CNTNAP2: variants seen among roughly 807,000 people sequenced by gnomAD.
CNTNAP2 encodes contactin associated protein 2.
A neutral mutation model predicts 155.2 loss-of-function variants in CNTNAP2; 98 were observed. The observed-to-expected ratio is 0.63, with a 90% CI of 0.54 to 0.75. The LOEUF is 0.75. Among genes scored for constraint, CNTNAP2 ranks in the 30% least tolerant of loss-of-function variants. CNTNAP2 has a pLI of 0.00. For missense variants in CNTNAP2, 1,727 were observed against 1,688.1 expected (o/e 1.02, Z -0.40); for synonymous variants, 651 against 631.2 (o/e 1.03, Z -0.47).
chr7:146,383,998 G>C (rs1317193799), intron 1 of CNTNAP2, among the ~76,000 whole-genome samples: 2 of 152,152 alleles, frequency 1.3e-5, no homozygotes, highest in African/African-American at 4.8e-5. Flanking sequence ...TAATGTAAAA[G>C]AGTGTCACTG....
intron 1 of CNTNAP2, among the ~76,000 whole-genome samples, chr7:146,193,544 C>A (rs1798736811): frequency 6.6e-6 from 1 of 152,186 alleles, no homozygotes; most frequent in Non-Finnish European, 1.5e-5. Flanking sequence ...TTAGCCATGG[C>A]TGGAGCAGCT....
At chr7:147,484,932 A>G (rs1458543346) in intron 10 of CNTNAP2, among the ~76,000 whole-genome samples, 1 of 152,248 alleles carries the variant, frequency 6.6e-6, no homozygotes, top group Non-Finnish European at 1.5e-5. Context: ...GGTACATCAC[A>G]ATGAATACCT....
chr7:146,826,177 A>C (rs1470979185), intron 2 of CNTNAP2, among the ~76,000 whole-genome samples: 6 of 152,140 alleles, frequency 3.9e-5, no homozygotes, highest in Admixed American at 3.9e-4. Context: ...ATATTTAGTT[A>C]CTAGTTAGAA....
At chr7:147,260,556 A>G (rs374909051) in intron 8 of CNTNAP2, among the ~76,000 whole-genome samples, 28 of 152,334 alleles carry the variant, frequency 1.8e-4, no homozygotes, top group African/African-American at 6.0e-4. Context: ...TTAAATGTGT[A>G]CTATCCACAC....
intron 21 of CNTNAP2, among the ~76,000 whole-genome samples, chr7:148,288,387 C>T (rs1441148429): frequency 6.6e-6 from 1 of 152,128 alleles, no homozygotes; most frequent in Non-Finnish European, 1.5e-5. Context: ...GCATGAGCCA[C>T]CGCGCCCCGC....
chr7:146,701,707 G>T (rs957738523), intron 1 of CNTNAP2, among the ~76,000 whole-genome samples: 1 of 151,992 alleles, frequency 6.6e-6, no homozygotes, highest in Non-Finnish European at 1.5e-5. Flanking sequence ...AGAATTAATA[G>T]TATGACATCT....
intron 13 of CNTNAP2, among the ~76,000 whole-genome samples, chr7:147,737,784 G>T (rs1358158526): frequency 6.6e-6 from 1 of 152,204 alleles, no homozygotes; most frequent in Non-Finnish European, 1.5e-5. Context: ...TGCTAGCAAT[G>T]AGCGAGGCTC....
At chr7:148,199,704 G>T (rs1795337166) in intron 18 of CNTNAP2, among the ~76,000 whole-genome samples, 2 of 152,192 alleles carry the variant, frequency 1.3e-5, no homozygotes, top group South Asian at 4.1e-4. Flanking sequence ...TAAAGACTTA[G>T]CATGAAACAA....
intron 11 of CNTNAP2, among the ~76,000 whole-genome samples, chr7:147,541,552 A>T (rs1799640360): frequency 6.6e-6 from 1 of 152,202 alleles, no homozygotes; most frequent in Admixed American, 6.5e-5. Context: ...TTCTATGAAC[A>T]ACTCGCTCCC....
rs201076091 is a variant in CNTNAP2, at chr7:147,736,356, C to G, written c.2098+97050C>G. Among the ~76,000 whole-genome samples, 11 of 152,352 alleles carry G rather than the reference C, an allele frequency of 7.2e-5. No individual in the cohort carries two copies. In the East Asian group the frequency reaches 1.9e-3, roughly 27 times the overall value. The stretch of plus-strand genomic sequence containing the variant: ...AGAATGTTGAATATTGGCCCCCACT[C>G]TCTTCTGGCTTGTAGAGTTTCTGCC... On this transcript the variant is annotated intron_variant, in intron 13 of 23. Coordinates refer to ENST00000361727, the MANE Select transcript of CNTNAP2 (RefSeq NM_014141.6).
At position 147,703,178 on chromosome 7, in the gene CNTNAP2, C is replaced by A. The variant is rs190140910; in HGVS notation, c.2098+63872C>A. Among the ~76,000 whole-genome samples, 366 of 152,238 alleles carry A rather than the reference C, an allele frequency of 2.4e-3. 1 individual carries two copies. Among genetic ancestry groups the A allele is most frequent in the African/African-American group, 8.3e-3 (347 of 41,564 alleles). On this transcript the variant is annotated intron_variant, in intron 13 of 23. Coordinates refer to ENST00000361727, the MANE Select transcript of CNTNAP2 (RefSeq NM_014141.6). The stretch of plus-strand genomic sequence containing the variant: ...CACATTACCAACCTCCCCTTCCCAT[C>A]GAGAGAAGACGATTTGCTTCTTAAT...
At position 148,353,685 on chromosome 7, in the gene CNTNAP2, G is replaced by A. The variant is rs544859970; in HGVS notation, c.3476-29964G>A. Among the ~76,000 whole-genome samples, 8 of 152,054 alleles carry A rather than the reference G, an allele frequency of 5.3e-5. No homozygotes were observed. In the South Asian group the frequency reaches 1.7e-3, roughly 32 times the overall value. On this transcript the variant is annotated intron_variant, in intron 21 of 23. Transcript: ENST00000361727. ...CACACACACGCACACACAAGTATCA[G>A]GAAACAAAAAGGAAATGTGTGCAAA... is the stretch of plus-strand genomic sequence containing the variant.
rs77221306 is a variant in CNTNAP2 at position 147,352,704 on chromosome 7, T to A, written c.1499-42905T>A. On this transcript the variant is annotated intron_variant, in intron 9 of 23. Coordinates refer to ENST00000361727, the MANE Select transcript of CNTNAP2 (RefSeq NM_014141.6). ...CATGGTAGAATTCTCATTGTTAATT[T>A]ATTTTGGCTGCTCTATTGCCTGTTA... Among the ~76,000 whole-genome samples the A allele has an allele frequency of 8.6e-3, 1,315 of 152,136 alleles. 16 individuals are homozygous for A. Among genetic ancestry groups the A allele is most frequent in the African/African-American group, 0.03 (1,251 of 41,522 alleles).
At chr7:148,250,703 C>T (rs776669165) in intron 20 of CNTNAP2, among the ~76,000 whole-genome samples, 29 of 152,334 alleles carry the variant, frequency 1.9e-4, no homozygotes, top group South Asian at 4.1e-4. Flanking sequence ...GGGGGAGGCA[C>T]GAGAGATCGG....
At chr7:147,579,465 C>A (rs1800456904) in intron 12 of CNTNAP2, among the ~76,000 whole-genome samples, 1 of 151,802 alleles carries the variant, frequency 6.6e-6, no homozygotes, top group South Asian at 2.1e-4. Context: ...TTATAATATG[C>A]CAGTGATACA....
At chr7:147,532,191 A>T (rs1488039628) in intron 11 of CNTNAP2, among the ~76,000 whole-genome samples, 1 of 152,084 alleles carries the variant, frequency 6.6e-6, no homozygotes, top group Non-Finnish European at 1.5e-5. Flanking sequence ...GAATGCCTTT[A>T]ACAGTACCTA....
chr7:146,674,008 G>T (rs553295464), intron 1 of CNTNAP2, among the ~76,000 whole-genome samples: 1 of 152,046 alleles, frequency 6.6e-6, no homozygotes, highest in Non-Finnish European at 1.5e-5. Context: ...CTTTTAGTTC[G>T]TCCCTGGCAG....
At chr7:146,195,716 C>T (rs1798765513) in intron 1 of CNTNAP2, among the ~76,000 whole-genome samples, 1 of 152,190 alleles carries the variant, frequency 6.6e-6, no homozygotes, top group Admixed American at 6.5e-5. Flanking sequence ...GCCAGCCCAG[C>T]AGATACTGAG....
chr7:146,182,896 T>C (rs753471211), intron 1 of CNTNAP2, among the ~76,000 whole-genome samples: 4 of 152,166 alleles, frequency 2.6e-5, no homozygotes, highest in Admixed American at 6.6e-5. Flanking sequence ...ATTTTCTATC[T>C]AGGTCCTGCT....
Sources: allele counts gnomAD v4.1 joint callset (sites outside exome capture counted in the v4.1 genomes callset), GRCh38; gene constraint gnomAD v4.1.1; transcripts MANE v1.5; gene names NCBI Gene and HGNC (gene_info 2026-07-23, HGNC 2026-07-21).